Variants in IRF8 observed in about 807,000 individuals in gnomAD.
IRF8 encodes the protein interferon consensus sequence binding protein 1.
In IRF8, 14 loss-of-function variants were observed where a neutral mutation model predicts 48.7. The observed-to-expected ratio is 0.29, with a 90% CI of 0.19 to 0.45. The LOEUF (loss-of-function observed/expected upper bound fraction) is 0.45. IRF8 is among the 20% of genes least tolerant of loss of function. The probability of loss-of-function intolerance (pLI) is 1.00; values close to 1 mark genes in which losing one functional copy is unlikely to be tolerated. For synonymous variants in IRF8, 278 were observed against 227.3 expected, an observed-to-expected ratio of 1.22 and a Z score of -2.01; for missense variants, 493 against 580.7, an observed-to-expected ratio of 0.85 and a Z score of 1.55.
chr16:85,899,708 T>G (rs189614437), intron 1 of IRF8, among the ~76,000 whole-genome samples: 1 of 152,278 alleles, frequency 6.6e-6, no homozygotes, highest in African/African-American at 2.4e-5. Flanking sequence ...GACAGTCAAT[T>G]AAGATTTCTG....
intron 6 of IRF8, among the ~76,000 whole-genome samples, chr16:85,916,538 T>C (rs16939969): frequency 0.065 from 9,923 of 152,214 alleles, 1,048 homozygotes; most frequent in African/African-American, 0.22. Flanking sequence ...AACCTTCTCT[T>C]AGCATAAGAC....
chr16:85,920,536 C>A (rs1905518623), intron 8 of IRF8, among the ~76,000 whole-genome samples: 1 of 152,140 alleles, frequency 6.6e-6, no homozygotes, highest in African/African-American at 2.4e-5. Context: ...CCTCGCCCGG[C>A]AGTCTGGGCA....
chr16:85,910,405 G>C (rs529064079), intron 3 of IRF8, among the ~76,000 whole-genome samples: 12 of 152,306 alleles, frequency 7.9e-5, no homozygotes, highest in African/African-American at 2.9e-4. Flanking sequence ...CCCTTTAGGA[G>C]GAAACCTCTA....
chr16:85,899,414 T>A (rs544198727), intron 1 of IRF8, among the ~76,000 whole-genome samples, 191 bp downstream of exon 1: 1 of 152,386 alleles, frequency 6.6e-6, no homozygotes, highest in East Asian at 1.9e-4. Flanking sequence ...AATGCCCAAG[T>A]CGTTGATTGT....
rs557269147 is a variant in IRF8, at chr16:85,917,563, G to T, written c.602-854G>T. Among the ~76,000 whole-genome samples, 5 of 152,332 alleles carry T rather than the reference G, an allele frequency of 3.3e-5. No individual in the cohort carries two copies. In the East Asian group the frequency reaches 9.6e-4, roughly 29 times the overall value. On this transcript the variant is annotated intron_variant, in intron 6 of 8. Coordinates refer to ENST00000268638, the MANE Select transcript of IRF8 (RefSeq NM_002163.4). ...GCACCTGGTATAAGTAGGTAATACT[G>T]TCTGGCTAGAATTGATTAAGATTGT... is the stretch of plus-strand genomic sequence containing the variant.
In IRF8 at chr16:85,914,473, G is replaced by A; in HGVS notation, c.554G>A (p.Gly185Asp). The change falls in exon 6 of 9, where the codon GGC (glycine) becomes GAC (aspartate). Residue 185 changes from glycine (G) to aspartate (D), a missense_variant and splice_region_variant. Physicochemically the swap from Gly to Asp is moderately conservative, Grantham distance 94 (BLOSUM62 -1). This residue lies in a region of IRF8 where 408 missense variants were observed against 449.6 expected (regional missense o/e 0.91). Transcript: ENST00000268638. ...PDWWAQQPST[G>D]VPLVTGYTTY... ...GCTTGCTTTTCTGTTTCTCCTGCAG[G>A]CGTGCCGCTGGTGACGGGGTACACC... The A allele has an allele frequency of 6.2e-7, 1 of 1,614,148 alleles. No individual in the cohort carries two copies. The highest frequency in any genetic ancestry group is 8.5e-7 in the Non-Finnish European group (1 of 1,180,010).
In IRF8 at chr16:85,916,826, A is replaced by G. The variant is rs113904416; in HGVS notation, c.602-1591A>G. On this transcript the variant is annotated intron_variant, in intron 6 of 8. Transcript: ENST00000268638. Reference sequence around the variant, plus strand: ...GCAGACTTGGCGTGGGGGGAAGATGATGAGTGAGGAAGAGCGAGACCAGCG... The same window carrying G: ...GCAGACTTGGCGTGGGGGGAAGATGGTGAGTGAGGAAGAGCGAGACCAGCG... Among the ~76,000 whole-genome samples the G allele has an allele frequency of 2.7e-3, 411 of 152,258 alleles. 2 individuals carry two copies. Among genetic ancestry groups the G allele is most frequent in the Middle Eastern group, 0.017 (5 of 294 alleles).
At chr16:85,906,017 T>C (rs985597306) in intron 2 of IRF8, among the ~76,000 whole-genome samples, 3 of 152,216 alleles carry the variant, frequency 2.0e-5, no homozygotes, top group Non-Finnish European at 4.4e-5. Flanking sequence ...GCAACTCATT[T>C]AATTTTTAAA....
Position 85,921,098 on chromosome 16 carries a change from C to T in IRF8, c.1105-8C>T. ...CTCTGCCTCTGACTTTCTGCACCTC[C>T]CATCTAGATTGAGCAGCTGTATGTC... is the stretch of plus-strand genomic sequence containing the variant. On this transcript the variant is annotated splice_polypyrimidine_tract_variant and splice_region_variant and intron_variant, in intron 8 of 8. Transcript: ENST00000268638. The T allele has an allele frequency of 1.2e-6, 2 of 1,610,022 alleles. No individual in the cohort carries two copies. The highest frequency in any genetic ancestry group is 1.1e-5 in the South Asian group (1 of 90,594).
At chr16:85,913,930 G>A in intron 5 of IRF8, 1 of 177,986 alleles carries the variant, frequency 5.6e-6, no homozygotes, top group Non-Finnish European at 1.2e-5. Context: ...CGGTGAATGT[G>A]TTTGCTTCCT....
chr16:85,908,434 C>T (rs995069171), intron 2 of IRF8, among the ~76,000 whole-genome samples: 2 of 152,146 alleles, frequency 1.3e-5, no homozygotes, highest in Admixed American at 6.5e-5. Context: ...TACTTCATTA[C>T]ATTTTAAACA....
chr16:85,901,184 G>A (rs995911744), intron 1 of IRF8: 1 of 152,196 alleles, frequency 6.6e-6, no homozygotes, highest in Non-Finnish European at 1.5e-5. Context: ...CCTTCTTTAT[G>A]ATAAACACAG....
chr16:85,918,899 G>A, intron 7 of IRF8, 96 bp downstream of exon 7: 1 of 1,452,002 alleles, frequency 6.9e-7, no homozygotes, highest in East Asian at 2.3e-5. Context: ...GTGGTCTCAT[G>A]GAGGGATGTG....
At chr16:85,899,332 G>T (rs1477918236) in intron 1 of IRF8, 109 bp downstream of exon 1, 2 of 152,250 alleles carry the variant, frequency 1.3e-5, no homozygotes, top group Non-Finnish European at 1.5e-5. Flanking sequence ...TAATGTCCCC[G>T]GGCGCAGCTC....
At chr16:85,901,608 AC>A (rs1316403449) in intron 1 of IRF8, among the ~76,000 whole-genome samples, 8 of 152,082 alleles carry the variant, frequency 5.3e-5, no homozygotes, top group Admixed American at 5.2e-4. Flanking sequence ...ACAGAGCAAG[AC>A]CCTGTCTCTA....
Position 85,913,206 on chromosome 16 carries a change from C to T in IRF8, c.523C>T (p.Pro175Ser), listed in dbSNP as rs1462189724. 1 of 1,613,986 alleles carries T rather than the reference C, an allele frequency of 6.2e-7. No individual in the cohort carries two copies. The highest frequency in any genetic ancestry group is 2.2e-5 in the East Asian group (1 of 44,892). Reference sequence around the variant, plus strand: ...GGAGGCCTGTCGGAGTCAGCTCCTTCCAGACTGGTGGGCGCAGCAGCCCAG... The same window carrying T: ...GGAGGCCTGTCGGAGTCAGCTCCTTTCAGACTGGTGGGCGCAGCAGCCCAG... Reference protein sequence around the residue: ...PPEACRSQLLPDWWAQQPSTG... With the variant: ...PPEACRSQLLSDWWAQQPSTG... The change falls in exon 5 of 9, where the codon CCA (proline) becomes TCA (serine). Residue 175 changes from proline (P) to serine (S), a missense_variant. Around this residue, in one of 3 missense-constraint regions of IRF8, gnomAD observed 408 missense variants for 449.6 expected, o/e 0.91. Coordinates refer to ENST00000268638, the MANE Select transcript of IRF8 (RefSeq NM_002163.4).
At chr16:85,909,381 C>G (rs747809576) in intron 3 of IRF8, 1 of 586,758 alleles carries the variant, frequency 1.7e-6, no homozygotes, top group Non-Finnish European at 3.1e-6. Context: ...GCTGCCCAAC[C>G]TGTGCCCCAC....
In IRF8 at chr16:85,921,164, G is replaced by T. The variant is rs1203457296; in HGVS notation, c.1163G>T (p.Gly388Val). Residue 388 changes from glycine (G) to valine (V), a missense_variant, in exon 9 of 9, where the codon GGC (glycine) becomes GTC (valine). Around this residue, in one of 3 missense-constraint regions of IRF8, gnomAD observed 408 missense variants for 449.6 expected, o/e 0.91. Transcript: ENST00000268638. ...AEEAGKSCGA[G>V]SVMQAPEEPP... ...GAGGCTGGGAAGAGCTGTGGAGCCG[G>T]CTCTGTGATGCAGGCCCCCGAGGAG... is the stretch of plus-strand genomic sequence containing the variant. 1 of 1,614,142 alleles carries T rather than the reference G, an allele frequency of 6.2e-7. No homozygotes were observed. Among genetic ancestry groups the T allele is most frequent in the South Asian group, 1.1e-5 (1 of 91,084 alleles).
Position 85,918,527 on chromosome 16 carries a change from G to A in IRF8, c.712G>A (p.Gly238Ser), listed in dbSNP as rs763945332. ...RLSLSQPGLP[G>S]TKLYGPEGLE... ...GTCCCTGAGCCAGCCTGGGCTGCCC[G>A]GCACCAAGCTGTATGGGCCCGAGGG... Residue 238 changes from glycine (G) to serine (S), a missense_variant, in exon 7 of 9, where the codon GGC becomes AGC. This residue lies in a region of IRF8 where 408 missense variants were observed against 449.6 expected (regional missense o/e 0.91). Coordinates refer to ENST00000268638, the MANE Select transcript of IRF8 (RefSeq NM_002163.4). 1.3e-5 allele frequency: 20 copies of A among 1,599,202 alleles called. No individual in the cohort carries two copies. Among genetic ancestry groups the A allele is most frequent in the Middle Eastern group, 2.0e-4 (1 of 4,964 alleles).
Sources: allele counts gnomAD v4.1 joint callset (sites outside exome capture counted in the v4.1 genomes callset), GRCh38; gene constraint gnomAD v4.1.1; regional missense constraint gnomAD v4.1.1; transcripts MANE v1.5; gene names NCBI Gene and HGNC (gene_info 2026-07-23, HGNC 2026-07-21).